Variants in CD109 observed in about 807,000 individuals in gnomAD.
CD109 encodes CD109 antigen.
CD109 carries 149 observed loss-of-function variants against 165.8 expected under a neutral mutation model. The ratio of observed to expected loss-of-function variants is 0.90; its 90% CI spans 0.79 to 1.03. The LOEUF is 1.03. CD109 is among the 50% of genes least tolerant of loss of function. The pLI is 0.00. For missense variants in CD109, 1,712 were observed against 1,677.8 expected, an observed-to-expected ratio of 1.02 and a Z score of -0.36; for synonymous variants, 585 against 592.1, an observed-to-expected ratio of 0.99 and a Z score of 0.18.
At chr6:73,767,092 A>AG in intron 13 of CD109, 82 bp downstream of exon 13, 1 of 1,206,370 alleles carries the variant, frequency 8.3e-7, no homozygotes, top group South Asian at 1.3e-5. Context: ...GTACATGTGC[A>AG]GGTTTGTTAT....
At chr6:73,792,940 G>A in intron 23 of CD109, 138 bp downstream of exon 23, 1 of 623,376 alleles carries the variant, frequency 1.6e-6, no homozygotes, top group Non-Finnish European at 2.7e-6. Flanking sequence ...GACATGTGCA[G>A]GAAGTGCAAA....
In CD109 at chr6:73,771,448, A is replaced by C. The variant is rs1774030458; in HGVS notation, c.1694A>C (p.Lys565Thr). 6.2e-7 allele frequency: 1 copy of C among 1,605,088 alleles called. No individual in the cohort carries two copies. Among genetic ancestry groups the C allele is most frequent in the Non-Finnish European group, 8.5e-7 (1 of 1,177,246 alleles). Residue 565 changes from lysine to threonine, a missense_variant, in exon 15 of 33, where the codon AAA (lysine) becomes ACA (threonine). Coordinates refer to ENST00000287097, the MANE Select transcript of CD109 (RefSeq NM_133493.5). ...TTTTAGATAAAGCTATATTGGAGTA[A>C]AGTGAAAGCTGAACCATCTGAGAAA... ...FKNKIKLYWS[K>T]VKAEPSEKVS...
chr6:73,703,820 T>G (rs73754658), intron 2 of CD109, among the ~76,000 whole-genome samples: 210 of 152,296 alleles, frequency 1.4e-3, no homozygotes, highest in African/African-American at 4.7e-3. Flanking sequence ...TTCTGTTGCT[T>G]TGTTTCTCAG....
At chr6:73,705,638 G>GAAAAC (rs1462341555) in intron 2 of CD109, among the ~76,000 whole-genome samples, 1 of 151,734 alleles carries the variant, frequency 6.6e-6, no homozygotes, top group Non-Finnish European at 1.5e-5. Context: ...GAAAAGAAAA[G>GAAAAC]AAAAGAAAAG....
Position 73,825,363 on chromosome 6 carries a change from G to A in CD109, c.*1730G>A, listed in dbSNP as rs866172000. ...TCTAAAACAGGCACTTGTAATGTTGGGGCCTCCTTGTAAACGTGTTTTTGC... is the reference window on the plus strand; with the variant it reads ...TCTAAAACAGGCACTTGTAATGTTGAGGCCTCCTTGTAAACGTGTTTTTGC... On this transcript the variant is annotated 3_prime_UTR_variant, in exon 33 of 33. Transcript: ENST00000287097. The A allele has an allele frequency of 6.6e-6, 1 of 152,070 alleles. No homozygotes were observed. Among genetic ancestry groups the A allele is most frequent in the African/African-American group, 2.4e-5 (1 of 41,420 alleles). The allele number at this position is 152,070 out of a possible 1,614,324, so 9.4% of individuals were successfully genotyped here. A position where few individuals can be genotyped will look rare whatever the true frequency, so the allele number is the denominator to read the frequency against.
intron 24 of CD109, 86 bp from the exon 25 acceptor site, chr6:73,806,758 A>G (rs1422879375): frequency 2.3e-6 from 2 of 880,256 alleles, no homozygotes; most frequent in East Asian, 2.6e-5. Context: ...TGATGGGGGA[A>G]AAAGTGTTGT....
chr6:73,718,627 A>G (rs904381692), intron 2 of CD109, among the ~76,000 whole-genome samples: 1 of 151,640 alleles, frequency 6.6e-6, no homozygotes, highest in Non-Finnish European at 1.5e-5. Context: ...GCTCAGGCCC[A>G]TGAGTCAGGT....
At chr6:73,789,954 CT>C (rs1038184782) in intron 22 of CD109, among the ~76,000 whole-genome samples, 2 of 151,780 alleles carry the variant, frequency 1.3e-5, no homozygotes, top group Non-Finnish European at 2.9e-5. Flanking sequence ...TAGAGATGGG[CT>C]TTTGCAGTGT....
At chr6:73,776,780 C>T (rs1774264151) in intron 15 of CD109, among the ~76,000 whole-genome samples, 1 of 151,790 alleles carries the variant, frequency 6.6e-6, no homozygotes, top group South Asian at 2.1e-4. Context: ...TGGTTTCAAA[C>T]TCCTGATCTC....
chr6:73,766,734 A>C, intron 11 of CD109, 25 bp from the exon 12 acceptor site: 1 of 1,515,984 alleles, frequency 6.6e-7, no homozygotes, highest in Non-Finnish European at 9.1e-7. Flanking sequence ...ATGAACATTT[A>C]CAGCTCCTTT....
At chr6:73,684,447 C>G in the CD109 span, among the ~76,000 whole-genome samples, 1 of 151,968 alleles carries the variant, frequency 6.6e-6, no homozygotes, top group African/African-American at 2.4e-5. Context: ...TCTCAAAGTC[C>G]TGGGCTCAAG....
chr6:73,700,864 C>T (rs1418646009), intron 2 of CD109, among the ~76,000 whole-genome samples: 8 of 119,580 alleles, frequency 6.7e-5, no homozygotes, highest in Admixed American at 3.4e-4. Context: ...TGCAGTGGTG[C>T]GATCTCGGCT....
intron 5 of CD109, among the ~76,000 whole-genome samples, chr6:73,737,485 G>A (rs1355643881): frequency 6.6e-6 from 1 of 151,982 alleles, no homozygotes; most frequent in Admixed American, 6.5e-5. Context: ...TGTATGATGT[G>A]GTTTTAAAGA....
chr6:73,771,287 A>G, intron 14 of CD109, 142 bp from the exon 15 acceptor site: 2 of 573,974 alleles, frequency 3.5e-6, no homozygotes, highest in Non-Finnish European at 5.9e-6. Context: ...TCCCTAGAGA[A>G]GGGTTATGCA....
intron 22 of CD109, among the ~76,000 whole-genome samples, chr6:73,790,770 C>T (rs980638876): frequency 1.3e-5 from 2 of 152,130 alleles, no homozygotes; most frequent in African/African-American, 2.4e-5. Context: ...GGTGCCCACA[C>T]ACACTGGGGA....
intron 15 of CD109, among the ~76,000 whole-genome samples, chr6:73,773,127 A>ACACG (rs560217710): frequency 1.3e-5 from 2 of 151,070 alleles, no homozygotes; most frequent in Non-Finnish European, 3.0e-5. Flanking sequence ...ATACATACAC[A>ACACG]TACACACACA....
intron 3 of CD109, among the ~76,000 whole-genome samples, chr6:73,724,329 G>T (rs1478413345): frequency 6.6e-6 from 1 of 152,160 alleles, no homozygotes; most frequent in African/African-American, 2.4e-5. Flanking sequence ...AAATGGAAAG[G>T]AGTTATTATT....
At chr6:73,735,891 G>T (rs1772520923) in intron 4 of CD109, among the ~76,000 whole-genome samples, 1 of 152,116 alleles carries the variant, frequency 6.6e-6, no homozygotes, top group African/African-American at 2.4e-5. Flanking sequence ...AATAAATGGG[G>T]CCTGTTATCT....
At chr6:73,781,942 G>A (rs1774525144) in intron 17 of CD109, among the ~76,000 whole-genome samples, 1 of 152,122 alleles carries the variant, frequency 6.6e-6, no homozygotes, top group South Asian at 2.1e-4. Flanking sequence ...TGTGCTTTTA[G>A]AAAGACGTCA....
Sources: allele counts gnomAD v4.1 joint callset (sites outside exome capture counted in the v4.1 genomes callset), GRCh38; gene constraint gnomAD v4.1.1; transcripts MANE v1.5; gene names NCBI Gene and HGNC (gene_info 2026-07-23, HGNC 2026-07-21).